DCLK1: variants seen among roughly 807,000 people sequenced by gnomAD.
DCLK1 encodes serine/threonine-protein kinase DCLK1.
Under a neutral mutation model 86.2 loss-of-function variants are expected in DCLK1, and 16 were observed. The ratio of observed to expected loss-of-function variants is 0.19; its 90% CI spans 0.13 to 0.28. The LOEUF (loss-of-function observed/expected upper bound fraction) is 0.28. Among genes scored for constraint, DCLK1 ranks in the 10% least tolerant of loss-of-function variants. The pLI, the probability that DCLK1 is intolerant of heterozygous loss-of-function variation, is 1.00. For missense variants in DCLK1, 590 were observed against 940.2 expected (o/e 0.63, Z 4.87); for synonymous variants, 369 against 370.5 (o/e 1.00, Z 0.05).
intron 3 of DCLK1, among the ~76,000 whole-genome samples, chr13:35,976,932 GCA>G (rs1258211549): frequency 6.6e-6 from 1 of 152,134 alleles, no homozygotes; most frequent in Non-Finnish European, 1.5e-5. Context: ...ACAATCATCA[GCA>G]CAGTGTCCTC....
intron 6 of DCLK1, among the ~76,000 whole-genome samples, chr13:35,840,707 C>T (rs919685262): frequency 4.6e-5 from 7 of 152,138 alleles, no homozygotes; most frequent in Admixed American, 2.0e-4. Context: ...GCTACAAAAA[C>T]GGATTGAGAT....
At position 35,854,522 on chromosome 13, in the gene DCLK1, G is replaced by A; in HGVS notation, c.1012C>T (p.Pro338Ser). Residue 338 changes from proline (P) to serine (S), a missense_variant, in exon 6 of 17, where the codon CCA becomes TCA. This residue lies in a region of DCLK1 where 63 missense variants were observed against 64.3 expected (regional missense o/e 0.98). Transcript: ENST00000360631. ...ACCCTCTGCTTCCGCAGGCTTCCTG[G>A]GCTGGTGGGTGATGGGCTTGGCGAC... The part of the protein sequence containing the change: ...GKSPSPSPTS[P>S]GSLRKQRSSQ... 1 of 1,604,236 alleles carries A rather than the reference G, an allele frequency of 6.2e-7. No individual in the cohort carries two copies. The highest frequency in any genetic ancestry group is 1.7e-5 in the Admixed American group (1 of 59,080).
chr13:35,965,518 T>G (rs1464423032), intron 3 of DCLK1, among the ~76,000 whole-genome samples: 2 of 152,248 alleles, frequency 1.3e-5, no homozygotes, highest in Non-Finnish European at 2.9e-5. Context: ...TAAAAATATT[T>G]ACTTTTTTAA....
At chr13:36,095,189 TTTTTTG>T (rs1884967185) in intron 3 of DCLK1, among the ~76,000 whole-genome samples, 3 of 151,650 alleles carry the variant, frequency 2.0e-5, no homozygotes, top group African/African-American at 7.3e-5. Flanking sequence ...TTTTTTTGTT[TTTTTTG>T]TTTTGTTTTG....
chr13:35,969,976 G>C (rs1878988016), intron 3 of DCLK1, among the ~76,000 whole-genome samples: 1 of 152,124 alleles, frequency 6.6e-6, no homozygotes, highest in South Asian at 2.1e-4. Context: ...AAGATATCTT[G>C]ATCTTGGACT....
At chr13:35,914,784 A>G (rs954915194) in intron 4 of DCLK1, among the ~76,000 whole-genome samples, 27 of 152,094 alleles carry the variant, frequency 1.8e-4, no homozygotes, top group Non-Finnish European at 7.3e-5. Flanking sequence ...TTTATGAACC[A>G]TCTCACGAAA....
intron 6 of DCLK1, chr13:35,850,676 C>G (rs776026682): frequency 1.3e-6 from 2 of 1,508,314 alleles, no homozygotes; most frequent in Non-Finnish European, 1.8e-6. Flanking sequence ...AAATGTGAAA[C>G]CTTCACCCAA....
chr13:36,048,435 C>T (rs1249072245), intron 3 of DCLK1, among the ~76,000 whole-genome samples: 1 of 152,056 alleles, frequency 6.6e-6, no homozygotes, highest in Non-Finnish European at 1.5e-5. Flanking sequence ...TTTTCCTTTG[C>T]AAGTTTATGG....
At position 35,935,137 on chromosome 13, in the gene DCLK1, A is replaced by G. The variant is rs537452174; in HGVS notation, c.823+12221T>C. ...AATGAGGCAATATGAGCAAAAGCAG[A>G]TATTTCAAAAATAAATAGCTTTTGG... On this transcript the variant is annotated intron_variant, in intron 4 of 16. Coordinates refer to ENST00000360631, the MANE Select transcript of DCLK1 (RefSeq NM_001330071.2). Among the ~76,000 whole-genome samples, 14 of 152,300 alleles carry G rather than the reference A, an allele frequency of 9.2e-5. No individual in the cohort carries two copies. The East Asian group carries it at 2.3e-3, about 25-fold the overall frequency.
At chr13:35,916,395 A>C (rs867398544) in intron 4 of DCLK1, among the ~76,000 whole-genome samples, 1 of 152,086 alleles carries the variant, frequency 6.6e-6, no homozygotes, top group African/African-American at 2.4e-5. Flanking sequence ...CCCTCTAGGC[A>C]GCTCTCTTCC....
chr13:35,877,122 A>T (rs1014335442), intron 4 of DCLK1, among the ~76,000 whole-genome samples: 3 of 152,182 alleles, frequency 2.0e-5, no homozygotes, highest in Non-Finnish European at 4.4e-5. Flanking sequence ...TCCCCACACG[A>T]TCTATACAAA....
chr13:36,099,936 C>G (rs1386968423), intron 3 of DCLK1, among the ~76,000 whole-genome samples: 1 of 152,032 alleles, frequency 6.6e-6, no homozygotes, highest in Non-Finnish European at 1.5e-5. Context: ...TAAACTGTTG[C>G]CAAATGCAGC....
intron 11 of DCLK1, among the ~76,000 whole-genome samples, chr13:35,815,594 G>A (rs144996811): frequency 3.2e-4 from 49 of 152,196 alleles, no homozygotes; most frequent in South Asian, 1.0e-3. Context: ...ATGAAAAAAC[G>A]TCAATTTACT....
intron 6 of DCLK1, among the ~76,000 whole-genome samples, chr13:35,841,504 A>G (rs1430687159): frequency 6.6e-6 from 1 of 151,512 alleles, no homozygotes; most frequent in Non-Finnish European, 1.5e-5. Context: ...TCTCTCAAGG[A>G]TTTTAGGCTC....
At chr13:36,117,619 A>T (rs1885833896) in intron 2 of DCLK1, among the ~76,000 whole-genome samples, 1 of 152,222 alleles carries the variant, frequency 6.6e-6, no homozygotes, top group Non-Finnish European at 1.5e-5. Flanking sequence ...ATTGCTAAAA[A>T]ATTTTGCATA....
chr13:36,030,607 C>T (rs1882231761), intron 3 of DCLK1, among the ~76,000 whole-genome samples: 1 of 151,744 alleles, frequency 6.6e-6, no homozygotes, highest in Admixed American at 6.6e-5. Context: ...ATGCCTGACC[C>T]ATTTCTTTTT....
At chr13:35,854,690 G>A (rs554424253) in intron 5 of DCLK1, 97 bp from the exon 6 acceptor site, 8 of 1,048,450 alleles carry the variant, frequency 7.6e-6, no homozygotes, top group South Asian at 2.3e-5. Flanking sequence ...TATATAGAGA[G>A]CCATCTACTA....
At chr13:35,878,553 C>CA (rs1243701822) in intron 4 of DCLK1, among the ~76,000 whole-genome samples, 3 of 150,682 alleles carry the variant, frequency 2.0e-5, no homozygotes, top group Non-Finnish European at 3.0e-5. Flanking sequence ...TTAATGGGTA[C>CA]AAAAAATAAT....
At chr13:35,842,810 T>C (rs1869899958) in intron 6 of DCLK1, among the ~76,000 whole-genome samples, 1 of 152,196 alleles carries the variant, frequency 6.6e-6, no homozygotes, top group Admixed American at 6.5e-5. Context: ...TGTTATCTTT[T>C]AGATTCTGAT....
Sources: allele counts gnomAD v4.1 joint callset (sites outside exome capture counted in the v4.1 genomes callset), GRCh38; gene constraint gnomAD v4.1.1; regional missense constraint gnomAD v4.1.1; transcripts MANE v1.5; gene names NCBI Gene and HGNC (gene_info 2026-07-23, HGNC 2026-07-21).